TESK2: variants seen among roughly 807,000 people sequenced by gnomAD.
The protein encoded by TESK2 is dual specificity testis-specific protein kinase 2.
A neutral mutation model predicts 57.1 loss-of-function variants in TESK2; 39 were observed. That is an observed-to-expected ratio of 0.68 (90% CI 0.53 to 0.89). TESK2 has a LOEUF of 0.89. Ranked by LOEUF, TESK2 falls within the 40% of genes least tolerant of loss-of-function variation. The probability of loss-of-function intolerance (pLI) is 0.00; values close to 1 mark genes in which losing one functional copy is unlikely to be tolerated. For missense variants in TESK2, 646 were observed against 732.1 expected (o/e 0.88, Z 1.36); for synonymous variants, 249 against 267.9 (o/e 0.93, Z 0.69).
chr1:45,367,042 G>T (rs1647948798), intron 4 of TESK2, among the ~76,000 whole-genome samples: 1 of 152,154 alleles, frequency 6.6e-6, no homozygotes, highest in Non-Finnish European at 1.5e-5. Flanking sequence ...GCTGAGGTGG[G>T]AGGATGGCTT....
At chr1:45,451,122 G>A (rs1044597925) in intron 2 of TESK2, among the ~76,000 whole-genome samples, 13 of 152,178 alleles carry the variant, frequency 8.5e-5, no homozygotes, top group African/African-American at 3.1e-4. Context: ...CATCAGCATG[G>A]ACAAACACTG....
intron 1 of TESK2, among the ~76,000 whole-genome samples, chr1:45,487,279 T>C (rs1429948905): frequency 6.6e-6 from 1 of 152,164 alleles, no homozygotes; most frequent in African/African-American, 2.4e-5. Context: ...ATATCACCAT[T>C]AATTCATATA....
intron 1 of TESK2, among the ~76,000 whole-genome samples, chr1:45,470,022 G>A (rs1170912162): frequency 6.6e-6 from 1 of 152,160 alleles, no homozygotes; most frequent in Non-Finnish European, 1.5e-5. Context: ...TGTGCACAAA[G>A]TTGGTAATAT....
At chr1:45,390,855 A>T (rs1362794366) in intron 3 of TESK2, among the ~76,000 whole-genome samples, 1 of 148,754 alleles carries the variant, frequency 6.7e-6, no homozygotes, top group South Asian at 2.1e-4. Context: ...AAATCCTCCC[A>T]CCTCAGCTTC....
At chr1:45,460,428 G>A (rs1047187200) in intron 1 of TESK2, among the ~76,000 whole-genome samples, 1 of 152,128 alleles carries the variant, frequency 6.6e-6, no homozygotes, top group African/African-American at 2.4e-5. Context: ...GCTGAGGCAG[G>A]AGAATAGCTT....
intron 3 of TESK2, among the ~76,000 whole-genome samples, chr1:45,391,212 A>G (rs929020148): frequency 8.7e-5 from 12 of 137,154 alleles, no homozygotes; most frequent in Non-Finnish European, 1.5e-4. Context: ...CACTGCGCCC[A>G]GCCCTTTTTT....
intron 3 of TESK2, among the ~76,000 whole-genome samples, chr1:45,404,330 A>G (rs1041957580): frequency 6.6e-6 from 1 of 152,132 alleles, no homozygotes. Flanking sequence ...AATGCCTGTC[A>G]CATATATATT....
intron 3 of TESK2, 32 bp downstream of exon 3, chr1:45,421,693 C>G: frequency 1.2e-6 from 2 of 1,611,986 alleles, no homozygotes; most frequent in Non-Finnish European, 1.7e-6. Context: ...TTTCAGTTTT[C>G]TCATTGATCA....
chr1:45,476,368 C>T (rs531947211), intron 1 of TESK2, among the ~76,000 whole-genome samples: 6 of 152,192 alleles, frequency 3.9e-5, no homozygotes, highest in East Asian at 3.9e-4. Flanking sequence ...ATTGGCTAAG[C>T]GTGGTGGCCC....
chr1:45,393,738 CAAA>C (rs34270037), intron 3 of TESK2, among the ~76,000 whole-genome samples: 11 of 88,390 alleles, frequency 1.2e-4, no homozygotes, highest in Admixed American at 2.2e-4. Flanking sequence ...GACTCCGTCT[CAAA>C]AAAAAAAAAA....
chr1:45,466,140 G>A (rs184564302), intron 1 of TESK2, among the ~76,000 whole-genome samples: 2 of 152,068 alleles, frequency 1.3e-5, no homozygotes, highest in East Asian at 1.9e-4. Context: ...CCAGGAGTTC[G>A]AGGCCAGTCT....
chr1:45,450,157 C>A (rs1651812697), intron 2 of TESK2, among the ~76,000 whole-genome samples: 1 of 152,050 alleles, frequency 6.6e-6, no homozygotes, highest in South Asian at 2.1e-4. Context: ...CCGAATGGAT[C>A]AAAAATTTAA....
Position 45,421,726 on chromosome 1 carries a change from T to C in TESK2, c.343A>G (p.Arg115Gly). 3.7e-6 allele frequency: 6 copies of C among 1,614,058 alleles called. No individual in the cohort carries two copies. Among genetic ancestry groups the C allele is most frequent in the Non-Finnish European group, 5.1e-6 (6 of 1,179,982 alleles). ...TCAGAAGGAAGGAAAAGCCATTACC[T>C]AAGGATGTTGGGATGGGAGAGTCTA... ...MNRLSHPNILRFMGVCVHQGQ... is the reference protein window; with the variant it reads ...MNRLSHPNILGFMGVCVHQGQ... Residue 115 changes from arginine (R) to glycine (G), a missense_variant and splice_region_variant, in exon 3 of 11, where the codon AGG becomes GGG. Physicochemically the swap from Arg to Gly is moderately radical, Grantham distance 125. Coordinates refer to ENST00000372086, the MANE Select transcript of TESK2 (RefSeq NM_007170.3).
intron 3 of TESK2, among the ~76,000 whole-genome samples, chr1:45,390,857 C>G (rs1649106707): frequency 6.6e-6 from 1 of 151,640 alleles, no homozygotes; most frequent in Non-Finnish European, 1.5e-5. Flanking sequence ...ATCCTCCCAC[C>G]TCAGCTTCCT....
At chr1:45,423,559 GA>G (rs59821943) in intron 2 of TESK2, among the ~76,000 whole-genome samples, 37,863 of 125,370 alleles carry the variant, frequency 0.3, 5,596 homozygotes, top group African/African-American at 0.43. Context: ...TCCGTCTCGC[GA>G]AAAAAAAAAA....
chr1:45,413,945 A>G (rs1650135990), intron 3 of TESK2: 1 of 415,336 alleles, frequency 2.4e-6, no homozygotes, highest in African/African-American at 2.1e-5. Context: ...TAACCAAAAA[A>G]TTTAAATCCT....
intron 2 of TESK2, among the ~76,000 whole-genome samples, chr1:45,428,863 C>A (rs1159896839): frequency 2.4e-5 from 3 of 125,500 alleles, no homozygotes; most frequent in African/African-American, 9.1e-5. Context: ...GCTCTGTCAC[C>A]CAGGCTGGAG....
intron 4 of TESK2, among the ~76,000 whole-genome samples, chr1:45,380,451 G>A (rs192092333): frequency 2.6e-5 from 4 of 152,176 alleles, no homozygotes; most frequent in Non-Finnish European, 4.4e-5. Flanking sequence ...AGGAAAAAGC[G>A]CTTTGAGATG....
intron 3 of TESK2, among the ~76,000 whole-genome samples, chr1:45,411,757 T>C (rs906367603): frequency 7.2e-5 from 11 of 152,216 alleles, no homozygotes; most frequent in Non-Finnish European, 1.3e-4. Flanking sequence ...ATTTAAGTGA[T>C]AACTGCCTCT....
Sources: allele counts gnomAD v4.1 joint callset (sites outside exome capture counted in the v4.1 genomes callset), GRCh38; gene constraint gnomAD v4.1.1; transcripts MANE v1.5; gene names NCBI Gene and HGNC (gene_info 2026-07-23, HGNC 2026-07-21).